EFCAB7: variants seen among roughly 807,000 people sequenced by gnomAD.
The protein encoded by EFCAB7 is EF-hand calcium-binding domain-containing protein 7.
In EFCAB7, 66 loss-of-function variants were observed where a neutral mutation model predicts 77.1. The ratio of observed to expected loss-of-function variants is 0.86; its 90% CI spans 0.70 to 1.05. EFCAB7 has a LOEUF of 1.05. Ranked by LOEUF, EFCAB7 falls within the 50% of genes least tolerant of loss-of-function variation. EFCAB7 has a pLI of 0.00. For missense variants in EFCAB7, 638 were observed against 730.5 expected, an observed-to-expected ratio of 0.87 and a Z score of 1.46; for synonymous variants, 225 against 243.3, an observed-to-expected ratio of 0.92 and a Z score of 0.70.
intron 7 of EFCAB7, among the ~76,000 whole-genome samples, chr1:63,546,526 C>T (rs908493140): frequency 2.4e-4 from 36 of 152,150 alleles, no homozygotes; most frequent in African/African-American, 4.8e-5. Flanking sequence ...CCACCTCGCC[C>T]GCCTAATCTT....
In EFCAB7 at chr1:63,561,845, G is replaced by A. The variant is rs781558020; in HGVS notation, c.1485G>A (p.Leu495=). The change falls in exon 11 of 14, where the codon CTG becomes CTA. Residue 495 remains leucine (L), a synonymous_variant. Coordinates refer to ENST00000371088, the MANE Select transcript of EFCAB7 (RefSeq NM_032437.4). The part of the protein sequence containing the change: ...TLHSMGYNKA[L]ELTEACPFVI... ...ACTCTATGGGCTACAATAAAGCTCT[G>A]GAGTTGACAGAGGTAAAGTATTCTT... 19 of 1,573,758 alleles carry A rather than the reference G, an allele frequency of 1.2e-5. No homozygotes were observed. Among genetic ancestry groups the A allele is most frequent in the Non-Finnish European group, 2.6e-6 (3 of 1,160,728 alleles).
chr1:63,560,333 G>A (rs937088240), intron 10 of EFCAB7, among the ~76,000 whole-genome samples: 5 of 151,968 alleles, frequency 3.3e-5, no homozygotes, highest in African/African-American at 1.2e-4. Context: ...AGTCTCTATA[G>A]TACAGTATCT....
intron 6 of EFCAB7, among the ~76,000 whole-genome samples, chr1:63,536,399 T>A (rs1266805013): frequency 6.6e-6 from 1 of 152,160 alleles, no homozygotes; most frequent in African/African-American, 2.4e-5. Context: ...GCATTTTTTT[T>A]AAGACAAGAG....
intron 6 of EFCAB7, among the ~76,000 whole-genome samples, chr1:63,538,730 C>T (rs979696133): frequency 8.5e-5 from 13 of 152,118 alleles, no homozygotes; most frequent in Non-Finnish European, 1.8e-4. Flanking sequence ...GGATTACAGG[C>T]GTGAGCCACC....
rs114926663 is a variant in EFCAB7, at chr1:63,567,829, C to A, written c.1498-481C>A. Reference sequence around the variant, plus strand: ...AGGTAGATATTAGAAAAATTTCATTCGGAATGCAGAAAATATTTTTAAGTC... The same window carrying A: ...AGGTAGATATTAGAAAAATTTCATTAGGAATGCAGAAAATATTTTTAAGTC... On this transcript the variant is annotated intron_variant, in intron 11 of 13. Transcript: ENST00000371088. 3.8e-3 allele frequency among the ~76,000 whole-genome samples: 583 copies of A among 152,184 alleles called. 2 individuals carry two copies. Among genetic ancestry groups the A allele is most frequent in the African/African-American group, 0.013 (534 of 41,516 alleles).
intron 10 of EFCAB7, among the ~76,000 whole-genome samples, chr1:63,560,045 T>C (rs1047838023): frequency 1.3e-5 from 2 of 151,970 alleles, no homozygotes; most frequent in Admixed American, 1.3e-4. Flanking sequence ...AAGCTTCACC[T>C]CCCGGGTTCA....
At chr1:63,566,957 T>C (rs1036130949) in intron 11 of EFCAB7, among the ~76,000 whole-genome samples, 2 of 151,452 alleles carry the variant, frequency 1.3e-5, no homozygotes, top group African/African-American at 4.8e-5. Flanking sequence ...AAAATTAACT[T>C]CAGACTTCTT....
chr1:63,544,093 C>T (rs189930390), intron 6 of EFCAB7, among the ~76,000 whole-genome samples: 16 of 150,944 alleles, frequency 1.1e-4, no homozygotes, highest in African/African-American at 3.4e-4. Flanking sequence ...CCTCAGCCTT[C>T]GGAGTAGCTG....
intron 1 of EFCAB7, 32 bp downstream of exon 1, chr1:63,523,666 G>A: frequency 5.7e-6 from 1 of 176,420 alleles, no homozygotes; most frequent in Non-Finnish European, 1.2e-5. Context: ...CTGTCTCTTC[G>A]CTCCCTCTGT....
At chr1:63,526,659 T>G (rs752751972) in intron 2 of EFCAB7, among the ~76,000 whole-genome samples, 2 of 152,264 alleles carry the variant, frequency 1.3e-5, no homozygotes, top group Non-Finnish European at 2.9e-5. Context: ...TTTAAAGTCA[T>G]GTTTAATTTT....
At chr1:63,579,499 C>T in the EFCAB7 span, among the ~76,000 whole-genome samples, 1 of 152,146 alleles carries the variant, frequency 6.6e-6, no homozygotes, top group African/African-American at 2.4e-5. Context: ...AATAGAACTG[C>T]TATAAAGTTC....
chr1:63,564,154 G>A (rs1018107698), intron 11 of EFCAB7, among the ~76,000 whole-genome samples: 5 of 151,998 alleles, frequency 3.3e-5, no homozygotes, highest in Admixed American at 3.3e-4. Flanking sequence ...CATAATCTAG[G>A]TTTTATTATT....
intron 5 of EFCAB7, 141 bp from the exon 6 acceptor site, chr1:63,533,954 A>C: frequency 1.1e-6 from 1 of 935,154 alleles, no homozygotes; most frequent in Non-Finnish European, 1.6e-6. Context: ...GATAAATATA[A>C]AACTTCTGAC....
intron 6 of EFCAB7, among the ~76,000 whole-genome samples, chr1:63,541,572 G>T (rs535191517): frequency 6.8e-6 from 1 of 147,860 alleles, no homozygotes; most frequent in East Asian, 2.0e-4. Flanking sequence ...CAATGTTTTT[G>T]TTTTTTTTTT....
intron 11 of EFCAB7, among the ~76,000 whole-genome samples, chr1:63,565,679 A>G (rs1647162438): frequency 9.0e-6 from 1 of 110,766 alleles, no homozygotes; most frequent in Non-Finnish European, 1.7e-5. Context: ...TAAATTTACA[A>G]GAAAAAAATT....
chr1:63,562,448 T>TA lies in EFCAB7; in HGVS notation c.1497+591_1497+592insA, dbSNP rs1557687192. ...TTAAAAATTAGGCCTTCTTAATTTA[T>TA]TTATATATATATATATATATATATA... On this transcript the variant is annotated intron_variant, in intron 11 of 13. Coordinates refer to ENST00000371088, the MANE Select transcript of EFCAB7 (RefSeq NM_032437.4). 4.8e-3 allele frequency among the ~76,000 whole-genome samples: 216 copies of TA among 44,628 alleles called. 1 individual carries two copies. The highest frequency in any genetic ancestry group is 9.1e-3 in the African/African-American group (99 of 10,906). The allele number at this position is 44,628 out of a possible 152,430, so 29.3% of individuals were successfully genotyped here.
At chr1:63,533,374 C>T in intron 4 of EFCAB7, 80 bp from the exon 5 acceptor site, 2 of 1,015,818 alleles carry the variant, frequency 2.0e-6, no homozygotes, top group South Asian at 3.0e-5. Context: ...TGTTCCTTGC[C>T]TACTAATGTG....
intron 6 of EFCAB7, among the ~76,000 whole-genome samples, chr1:63,539,990 T>G (rs1398011668): frequency 1.3e-5 from 2 of 152,180 alleles, no homozygotes; most frequent in Non-Finnish European, 2.9e-5. Context: ...CAGCATCTGT[T>G]GTTAGTCCAT....
At chr1:63,539,296 T>C (rs982925743) in intron 6 of EFCAB7, among the ~76,000 whole-genome samples, 4 of 152,098 alleles carry the variant, frequency 2.6e-5, no homozygotes, top group African/African-American at 9.7e-5. Context: ...AAGCTGGGGG[T>C]AGGGCTGCTG....
Sources: gnomAD v4.1 joint callset for allele counts (sites outside exome capture counted in the v4.1 genomes callset) on GRCh38, gnomAD v4.1.1 for gene constraint, MANE v1.5 for transcripts, NCBI Gene and HGNC (gene_info 2026-07-23, HGNC 2026-07-21) for gene names.